The following KCTD19 variants were observed in gnomAD, a reference collection of about 807,000 sequenced individuals.
KCTD19 encodes potassium channel tetramerization domain containing 19.
KCTD19 carries 67 observed loss-of-function variants against 103.5 expected under a neutral mutation model. The observed-to-expected ratio is 0.65, with a 90% confidence interval of 0.53 to 0.79. KCTD19 has a LOEUF of 0.79. Ranked by LOEUF, KCTD19 falls within the 30% of genes least tolerant of loss-of-function variation. KCTD19 has a pLI of 0.00. For synonymous variants in KCTD19, 439 were observed against 452.2 expected, an observed-to-expected ratio of 0.97 and a Z score of 0.37; for missense variants, 980 against 1,136.1, an observed-to-expected ratio of 0.86 and a Z score of 1.98.
chr16:67,291,011 C>T, intron 14 of KCTD19, 25 bp from the exon 15 acceptor site: 3 of 1,610,726 alleles, frequency 1.9e-6, no homozygotes, highest in Non-Finnish European at 1.7e-6. Context: ...CACAGTCAGG[C>T]AGTGCTAGGG....
At chr16:67,295,730 G>A (rs768199152) in intron 8 of KCTD19, 16 of 330,036 alleles carry the variant, frequency 4.8e-5, no homozygotes, top group African/African-American at 1.7e-4. Flanking sequence ...CAGGCCACTC[G>A]GTCCACTTGT....
chr16:67,298,867 G>A (rs1337692401), intron 6 of KCTD19, among the ~76,000 whole-genome samples: 1 of 152,228 alleles, frequency 6.6e-6, no homozygotes, highest in East Asian at 1.9e-4. Context: ...GACATCCTGA[G>A]CTCATCCCAT....
chr16:67,319,774 T>A (rs1015836363), intron 2 of KCTD19, among the ~76,000 whole-genome samples: 2 of 151,754 alleles, frequency 1.3e-5, no homozygotes, highest in African/African-American at 4.8e-5. Context: ...AACTTGTTTT[T>A]TTTTTTCTCT....
chr16:67,290,167 CTTTTTTTTTT>C (rs11296444), intron 15 of KCTD19, among the ~76,000 whole-genome samples: 3 of 69,314 alleles, frequency 4.3e-5, no homozygotes, highest in African/African-American at 1.2e-4. Flanking sequence ...TGAATATTTT[CTTTTTTTTTT>C]TTTTTTTTTT....
chr16:67,307,470 C>T (rs1195918622), intron 2 of KCTD19, among the ~76,000 whole-genome samples: 5 of 152,108 alleles, frequency 3.3e-5, no homozygotes, highest in Non-Finnish European at 7.4e-5. Flanking sequence ...TGCACCACCA[C>T]ACCTGGCTAA....
rs1191562833 is a variant in KCTD19 at position 67,293,595 on chromosome 16, T to C, written c.2167A>G (p.Lys723Glu). 9 of 1,613,866 alleles carry C rather than the reference T, an allele frequency of 5.6e-6. No individual in the cohort carries two copies. Among genetic ancestry groups the C allele is most frequent in the Admixed American group, 1.7e-5 (1 of 59,976 alleles). ...EPTFKPYLPP[K>E]RAGTLKDWSK... ...CAGTCCTTCAGGGTGCCAGCTCTTT[T>C]TGGGGGTAAGTATGGCTTGAAGGTT... Residue 723 changes from lysine (K) to glutamate (E), a missense_variant, in exon 12 of 16, where the codon AAA (lysine) becomes GAA (glutamate). Lys to Glu is a moderately conservative substitution (Grantham distance 56, BLOSUM62 1). Transcript: ENST00000304372. This position sits in a 1 kb window ranked among gnomAD's most constrained non-coding sequence, Gnocchi z 4.0.
chr16:67,312,648 C>G (rs2036960956), intron 2 of KCTD19, among the ~76,000 whole-genome samples: 1 of 152,088 alleles, frequency 6.6e-6, no homozygotes, highest in Admixed American at 6.5e-5. Flanking sequence ...CCTGATTTTC[C>G]TCCCTAAACC....
At chr16:67,299,340 G>A (rs757960932) in intron 6 of KCTD19, 23 bp downstream of exon 6, 4 of 1,608,652 alleles carry the variant, frequency 2.5e-6, no homozygotes, top group African/African-American at 2.7e-5. Context: ...ATGGGACTCA[G>A]TGTGCCCTAA....
chr16:67,290,711 G>T (rs2036676932), intron 15 of KCTD19, among the ~76,000 whole-genome samples, 174 bp downstream of exon 15: 1 of 152,192 alleles, frequency 6.6e-6, no homozygotes, highest in African/African-American at 2.4e-5. Flanking sequence ...ACTGCTTTTG[G>T]ACTACTCTGG....
chr16:67,291,222 C>T (rs1253783950), intron 14 of KCTD19, 87 bp downstream of exon 14: 29 of 1,503,914 alleles, frequency 1.9e-5, no homozygotes, highest in Non-Finnish European at 2.5e-5. Context: ...GGCTTACTTC[C>T]TCTTGCCTTG....
At chr16:67,325,405 G>A (rs9931359) in intron 1 of KCTD19, among the ~76,000 whole-genome samples, 32,877 of 148,476 alleles carry the variant, frequency 0.22, 7,346 homozygotes, top group African/African-American at 0.59. Context: ...ATTTTATTTT[G>A]TTTTATTTTT....
chr16:67,306,119 G>A (rs544802954), intron 2 of KCTD19, among the ~76,000 whole-genome samples: 7 of 152,314 alleles, frequency 4.6e-5, no homozygotes, highest in African/African-American at 1.7e-4. Context: ...CATCACCAGG[G>A]CCACAGTCAG....
At chr16:67,306,117 G>C (rs577320986) in intron 2 of KCTD19, among the ~76,000 whole-genome samples, 1 of 152,312 alleles carries the variant, frequency 6.6e-6, no homozygotes, top group Admixed American at 6.5e-5. Context: ...TGCATCACCA[G>C]GGCCACAGTC....
At chr16:67,316,311 T>C (rs1443857738) in intron 2 of KCTD19, among the ~76,000 whole-genome samples, 1 of 152,200 alleles carries the variant, frequency 6.6e-6, no homozygotes, top group African/African-American at 2.4e-5. Flanking sequence ...AGTGTTGTGA[T>C]TGCAGGTGTG....
intron 2 of KCTD19, among the ~76,000 whole-genome samples, chr16:67,313,837 G>A (rs9929696): frequency 0.12 from 18,535 of 151,086 alleles, 2,515 homozygotes; most frequent in African/African-American, 0.34. Context: ...GGGATTACAG[G>A]CATGAGCCAC....
chr16:67,325,374 G>C (rs1006976350), intron 1 of KCTD19, among the ~76,000 whole-genome samples: 1 of 121,484 alleles, frequency 8.2e-6, no homozygotes, highest in African/African-American at 5.3e-5. Flanking sequence ...CACCACGCCC[G>C]GCTTTATTTT....
At chr16:67,315,047 GT>G (rs2036995430) in intron 2 of KCTD19, among the ~76,000 whole-genome samples, 1 of 151,796 alleles carries the variant, frequency 6.6e-6, no homozygotes, top group African/African-American at 2.4e-5. Context: ...TTTTTGTAGA[GT>G]TGGAGTCTCA....
chr16:67,308,546 C>CAA (rs897316481), intron 2 of KCTD19, among the ~76,000 whole-genome samples: 14 of 152,054 alleles, frequency 9.2e-5, no homozygotes, highest in Non-Finnish European at 2.1e-4. Context: ...CACAAAACTC[C>CAA]AAAAACACAT....
intron 2 of KCTD19, among the ~76,000 whole-genome samples, chr16:67,313,322 C>A (rs538580851): frequency 1.3e-5 from 2 of 152,172 alleles, no homozygotes; most frequent in African/African-American, 4.8e-5. Context: ...GTTGGCCAGG[C>A]TGGTCTTGAA....
Sources: allele counts gnomAD v4.1 joint callset (sites outside exome capture counted in the v4.1 genomes callset), GRCh38; gene constraint gnomAD v4.1.1; non-coding constraint Gnocchi (gnomAD v3.1); transcripts MANE v1.5; gene names NCBI Gene and HGNC (gene_info 2026-07-23, HGNC 2026-07-21).